Variants in RYR2 observed in about 807,000 individuals in gnomAD.
RYR2 encodes the protein ryanodine receptor 2, also known as cardiac muscle ryanodine receptor-calcium release channel.
A neutral mutation model predicts 601.1 loss-of-function variants in RYR2; 227 were observed. The observed-to-expected ratio is 0.38, with a 90% CI of 0.34 to 0.42. The LOEUF is 0.42. RYR2 is among the 10% of genes least tolerant of loss of function. The pLI, the probability that RYR2 is intolerant of heterozygous loss-of-function variation, is 1.00. For missense variants in RYR2, 4,646 were observed against 6,156.5 expected (o/e 0.75, Z 8.21); for synonymous variants, 2,223 against 2,175.1 (o/e 1.02, Z -0.61).
chr1:237,379,283 G>A (rs1449465079), intron 8 of RYR2, among the ~76,000 whole-genome samples: 3 of 152,078 alleles, frequency 2.0e-5, no homozygotes, highest in African/African-American at 7.2e-5. Context: ...TGACAGGATG[G>A]CATCATTATG....
At chr1:237,388,806 G>A (rs1305917340) in intron 10 of RYR2, among the ~76,000 whole-genome samples, 2 of 152,184 alleles carry the variant, frequency 1.3e-5, no homozygotes, top group Non-Finnish European at 2.9e-5. Flanking sequence ...AATGAATGTA[G>A]TAAGATGAAT....
chr1:237,701,916 T>C (rs1256378129), intron 65 of RYR2, 62 bp from the exon 66 acceptor site: 13 of 913,346 alleles, frequency 1.4e-5, no homozygotes, highest in Non-Finnish European at 1.3e-5. Flanking sequence ...AGCTTAAGCT[T>C]TCTCAGGACA....
At chr1:237,666,201 G>A (rs1268237370) in intron 56 of RYR2, among the ~76,000 whole-genome samples, 1 of 152,072 alleles carries the variant, frequency 6.6e-6, no homozygotes, top group African/African-American at 2.4e-5. Flanking sequence ...AGCCAATTTG[G>A]ATTTGTAAGA....
In RYR2 at chr1:237,539,167, TG is replaced by T. The variant is rs1335580952; in HGVS notation, c.2906+8660del. Among the ~76,000 whole-genome samples the T allele has an allele frequency of 2.6e-5, 4 of 152,258 alleles. No individual in the cohort carries two copies. In the East Asian group the frequency reaches 7.7e-4, roughly 29 times the overall value. On this transcript the variant is annotated intron_variant, in intron 25 of 104. Coordinates refer to ENST00000366574, the MANE Select transcript of RYR2 (RefSeq NM_001035.3). Reference sequence around the variant, plus strand: ...ATAATGTTCACAAGAAGATTAATTTTGGGTTAAAATCTTGATAAGAACCAGT... The same window carrying T: ...ATAATGTTCACAAGAAGATTAATTTTGGTTAAAATCTTGATAAGAACCAGT...
At chr1:237,618,751 C>T (rs1379025365) in intron 38 of RYR2, among the ~76,000 whole-genome samples, 4 of 152,154 alleles carry the variant, frequency 2.6e-5, no homozygotes, top group Non-Finnish European at 5.9e-5. Context: ...CCTTGACTTC[C>T]ACTCTCACCA....
chr1:237,614,171 T>C lies in RYR2; in HGVS notation c.5043T>C (p.Asp1681=). 1.2e-6 allele frequency: 2 copies of C among 1,614,038 alleles called. No homozygotes were observed. Residue 1681 remains aspartate (D), a synonymous_variant, in exon 37 of 105, where the codon GAT becomes GAC. Transcript: ENST00000366574. This position sits in a 1 kb window ranked among gnomAD's most constrained non-coding sequence, Gnocchi z 4.3. The stretch of plus-strand genomic sequence containing the variant: ...CCCATGCCCTGTGCAGCCATGTGGA[T>C]GAACCTCAGCTCCTCTATGCCATTG... The part of the protein sequence containing the change: ...RVAHALCSHV[D]EPQLLYAIEN...
chr1:237,395,374 G>C (rs1355283766), intron 10 of RYR2, among the ~76,000 whole-genome samples: 1 of 152,022 alleles, frequency 6.6e-6, no homozygotes, highest in African/African-American at 2.4e-5. Flanking sequence ...GTTTGAACCT[G>C]CTATTCAATA....
rs1558425745 is a variant in RYR2, at chr1:237,792,380, T to TGTGTGTGC, written c.13782+58_13782+59insTGTGTGCG. ...GTGTGTGTGTGTGTGTGTGTGTGTGTGCGTGTGTGTGTGTGTGCGTGTGTG... is the reference window on the plus strand; with the variant it reads ...GTGTGTGTGTGTGTGTGTGTGTGTGTGTGTGTGCGCGTGTGTGTGTGTGTGCGTGTGTG... On this transcript the variant is annotated intron_variant, in intron 94 of 104. Transcript: ENST00000366574. The TGTGTGTGC allele has an allele frequency of 1.8e-4, 155 of 838,574 alleles. No individual in the cohort carries two copies. The South Asian group carries it at 2.8e-3, about 15-fold the overall frequency. The allele number at this position is 838,574 out of a possible 1,614,324, so 51.9% of individuals were successfully genotyped here. A position where few individuals can be genotyped will look rare whatever the true frequency, so the allele number is the denominator to read the frequency against.
At chr1:237,107,583 G>C (rs1668878660) in intron 1 of RYR2, among the ~76,000 whole-genome samples, 2 of 148,176 alleles carry the variant, frequency 1.3e-5, no homozygotes, top group Middle Eastern at 3.6e-3. Flanking sequence ...GTTTTACCAA[G>C]TTGCTTTTAC....
chr1:237,622,236 A>G (rs1679151151), intron 38 of RYR2, among the ~76,000 whole-genome samples: 1 of 152,202 alleles, frequency 6.6e-6, no homozygotes, highest in Admixed American at 6.5e-5. Context: ...TCAAACATAA[A>G]TGGTAAAGTT....
intron 70 of RYR2, 100 bp from the exon 71 acceptor site, chr1:237,711,645 T>G (rs1688851518): frequency 1.5e-6 from 1 of 671,178 alleles, no homozygotes. Flanking sequence ...TATATCAAAT[T>G]AATACTTATC....
At chr1:237,152,101 G>A (rs12403050) in intron 1 of RYR2, among the ~76,000 whole-genome samples, 37,182 of 151,902 alleles carry the variant, frequency 0.24, 5,298 homozygotes, top group East Asian at 0.43. Flanking sequence ...GAGAACATGC[G>A]GTGTTTGGTT....
chr1:237,496,676 G>A lies in RYR2; in HGVS notation c.2127G>A (p.Gly709=), dbSNP rs1391671861. The change falls in exon 20 of 105, where the codon GGG becomes GGA. Residue 709 remains glycine (G), a synonymous_variant. Coordinates refer to ENST00000366574, the MANE Select transcript of RYR2 (RefSeq NM_001035.3). Reference sequence around the variant, plus strand: ...AAGGATATTCTCCCTACCCTGGAGGGGGCGAAGAGTGGGGTGGAAATGGTG... The same window carrying A: ...AAGGATATTCTCCCTACCCTGGAGGAGGCGAAGAGTGGGGTGGAAATGGTG... ...STEGYSPYPG[G]GEEWGGNGVG... 1.2e-6 allele frequency: 2 copies of A among 1,613,950 alleles called. No homozygotes were observed. The highest frequency in any genetic ancestry group is 3.3e-5 in the Admixed American group (2 of 60,014).
At chr1:237,378,800 G>T (rs1465611951) in intron 8 of RYR2, among the ~76,000 whole-genome samples, 1 of 152,150 alleles carries the variant, frequency 6.6e-6, no homozygotes, top group East Asian at 1.9e-4. Context: ...AGGAAGATTG[G>T]TTTTGTTTTG....
rs191168404 is a variant in RYR2 at position 237,091,613 on chromosome 1, C to T, written c.48+49044C>T. Among the ~76,000 whole-genome samples, 500 of 152,106 alleles carry T rather than the reference C, an allele frequency of 3.3e-3. 3 individuals are homozygous for T. The highest frequency in any genetic ancestry group is 0.025 in the South Asian group (118 of 4,816). Reference sequence around the variant, plus strand: ...CTAATTTTTGTATTTTTAGTAGAGACGGGGTTTCGCCATGTTGCCCAGGCT... The same window carrying T: ...CTAATTTTTGTATTTTTAGTAGAGATGGGGTTTCGCCATGTTGCCCAGGCT... On this transcript the variant is annotated intron_variant, in intron 1 of 104. Coordinates refer to ENST00000366574, the MANE Select transcript of RYR2 (RefSeq NM_001035.3).
At chr1:237,450,704 T>C (rs1263218397) in intron 14 of RYR2, among the ~76,000 whole-genome samples, 1 of 152,162 alleles carries the variant, frequency 6.6e-6, no homozygotes, top group Non-Finnish European at 1.5e-5. Flanking sequence ...TAATTCTGCA[T>C]TGATATTTTT....
At chr1:237,237,371 T>A (rs1290619588) in intron 1 of RYR2, among the ~76,000 whole-genome samples, 2 of 152,214 alleles carry the variant, frequency 1.3e-5, no homozygotes, top group Non-Finnish European at 1.5e-5. Context: ...AATAAAATTC[T>A]AAGCCTCCAA....
intron 2 of RYR2, among the ~76,000 whole-genome samples, chr1:237,275,019 G>T (rs138103241): frequency 1.3e-5 from 2 of 151,742 alleles, no homozygotes; most frequent in Admixed American, 1.3e-4. Flanking sequence ...TTTCTAGCAT[G>T]TGTCCCCATC....
chr1:237,370,000 A>G (rs1017792158), intron 6 of RYR2, among the ~76,000 whole-genome samples: 15 of 152,032 alleles, frequency 9.9e-5, no homozygotes, highest in East Asian at 3.9e-4. Flanking sequence ...CTCCAATATT[A>G]ATTGTACTCA....
Sources: gnomAD v4.1 joint callset for allele counts (sites outside exome capture counted in the v4.1 genomes callset) on GRCh38, gnomAD v4.1.1 for gene constraint, Gnocchi (gnomAD v3.1) non-coding constraint, MANE v1.5 for transcripts, NCBI Gene and HGNC (gene_info 2026-07-23, HGNC 2026-07-21) for gene names.